The following C14orf39 variants were observed in gnomAD, a reference collection of about 807,000 sequenced individuals.
The protein encoded by C14orf39 is chromosome 14 open reading frame 39.
In C14orf39, 66 loss-of-function variants were observed where a neutral mutation model predicts 85.6. The observed-to-expected ratio is 0.77, with a 90% CI of 0.63 to 0.95. The LOEUF (loss-of-function observed/expected upper bound fraction) is 0.95, where lower values mean the gene tolerates loss of function less well. Ranked by LOEUF, C14orf39 falls within the 40% of genes least tolerant of loss-of-function variation. The pLI is 0.00. For missense variants in C14orf39, 735 were observed against 663.9 expected (o/e 1.11, Z -1.18); for synonymous variants, 242 against 214.0 (o/e 1.13, Z -1.14).
At chr14:60,493,570 G>T (rs1893024415) in intron 2 of C14orf39, among the ~76,000 whole-genome samples, 1 of 152,044 alleles carries the variant, frequency 6.6e-6, no homozygotes, top group Non-Finnish European at 1.5e-5. Context: ...TACTTTCAAG[G>T]CCCACTTCTT....
intron 1 of C14orf39, among the ~76,000 whole-genome samples, chr14:60,510,419 A>T (rs1489866592): frequency 6.6e-6 from 1 of 152,168 alleles, no homozygotes; most frequent in East Asian, 1.9e-4. Context: ...TAATGCTTTG[A>T]AAACAGTTTT....
At chr14:60,465,418 C>T (rs1156799311) in intron 11 of C14orf39, among the ~76,000 whole-genome samples, 2 of 152,068 alleles carry the variant, frequency 1.3e-5, no homozygotes, top group African/African-American at 4.8e-5. Context: ...ACCCAGGGGA[C>T]CTGCCTATCT....
chr14:60,438,000 T>G (rs1295921169), intron 17 of C14orf39, among the ~76,000 whole-genome samples: 3 of 151,704 alleles, frequency 2.0e-5, no homozygotes, highest in African/African-American at 7.2e-5. Flanking sequence ...AATTTAAAAT[T>G]AATTATCATT....
chr14:60,460,702 TAGAG>T (rs986242395), intron 13 of C14orf39, among the ~76,000 whole-genome samples: 3 of 151,888 alleles, frequency 2.0e-5, no homozygotes, highest in East Asian at 1.9e-4. Flanking sequence ...TGTATATACA[TAGAG>T]AGAATGAGTT....
At chr14:60,492,616 T>A (rs796098030) in intron 2 of C14orf39, among the ~76,000 whole-genome samples, 10 of 130,760 alleles carry the variant, frequency 7.6e-5, no homozygotes, top group African/African-American at 2.7e-4. Context: ...AAAAAAAAAA[T>A]AATAATAAAA....
At chr14:60,443,948 T>A (rs892223588) in intron 16 of C14orf39, among the ~76,000 whole-genome samples, 10 of 152,144 alleles carry the variant, frequency 6.6e-5, no homozygotes, top group African/African-American at 1.9e-4. Context: ...GACCTGCAGC[T>A]GAGGGGCCTG....
In C14orf39 at chr14:60,461,515, G is replaced by T; in HGVS notation, c.1051C>A (p.Gln351Lys). ...CTTATTTTAAAAAGTTACCTGACTT[G>T]CATAAACTTTTGTGAACTTGTGATA... ...TTITSSQKFM[Q>K]VRLLTPQKQS... The change falls in exon 12 of 18, where the codon CAA becomes AAA. Residue 351 changes from glutamine to lysine, a missense_variant. By Grantham distance (53) the Gln-to-Lys change is moderately conservative. Transcript: ENST00000321731. 1 of 1,590,178 alleles carries T rather than the reference G, an allele frequency of 6.3e-7. No homozygotes were observed. Among genetic ancestry groups the T allele is most frequent in the Non-Finnish European group, 8.5e-7 (1 of 1,169,760 alleles).
At position 60,484,798 on chromosome 14, in the gene C14orf39, G is replaced by A. The variant is rs997233942; in HGVS notation, c.106+83C>T. ...ACAAAAGTTATAACGCCAACAATAA[G>A]TTGCCCTAAACAGAGCAATTGTATG... On this transcript the variant is annotated intron_variant, in intron 3 of 17. Coordinates refer to ENST00000321731, the MANE Select transcript of C14orf39 (RefSeq NM_174978.3). The surrounding 1 kb of genome is among the most constrained non-coding windows in gnomAD (Gnocchi z 4.2). 1.2e-5 allele frequency: 11 copies of A among 930,842 alleles called. No homozygotes were observed. The highest frequency in any genetic ancestry group is 2.7e-5 in the Admixed American group (1 of 36,808). 57.7% of individuals were successfully genotyped at this position (930,842 alleles called of 1,614,324 possible).
intron 1 of C14orf39, among the ~76,000 whole-genome samples, chr14:60,513,650 A>C (rs575926620): frequency 6.6e-6 from 1 of 152,352 alleles, no homozygotes; most frequent in Admixed American, 6.5e-5. Context: ...GATGGGAAAT[A>C]ACTAATTAGT....
chr14:60,507,463 C>A lies in C14orf39; in HGVS notation c.-144+7932G>T, dbSNP rs116423167. Among the ~76,000 whole-genome samples, 537 of 152,298 alleles carry A rather than the reference C, an allele frequency of 3.5e-3. 4 individuals are homozygous for A. Among genetic ancestry groups the A allele is most frequent in the African/African-American group, 0.012 (495 of 41,554 alleles). On this transcript the variant is annotated intron_variant, in intron 1 of 5. Coordinates refer to the C14orf39 transcript ENST00000556799. ...TATCTTCATCGCCCTCTTTATTTTG[C>A]CCCTGCCTTGTCGTATTTCAAGAAA...
intron 5 of C14orf39, among the ~76,000 whole-genome samples, chr14:60,476,368 T>C (rs1179277593): frequency 1.3e-5 from 2 of 152,218 alleles, no homozygotes; most frequent in African/African-American, 2.4e-5. Context: ...GAGCCATTAT[T>C]ATCTCATCTA....
At chr14:60,477,656 C>T (rs1892446682) in intron 5 of C14orf39, among the ~76,000 whole-genome samples, 1 of 152,016 alleles carries the variant, frequency 6.6e-6, no homozygotes, top group East Asian at 1.9e-4. Context: ...ATCAATATCC[C>T]AAATTTGTTA....
chr14:60,482,248 G>A (rs1360597910), intron 4 of C14orf39, among the ~76,000 whole-genome samples: 1 of 152,126 alleles, frequency 6.6e-6, no homozygotes, highest in African/African-American at 2.4e-5. Context: ...ACAACCCAAT[G>A]CAGCTAATTG....
At chr14:60,464,984 C>T (rs1170382769) in intron 11 of C14orf39, among the ~76,000 whole-genome samples, 1 of 152,080 alleles carries the variant, frequency 6.6e-6, no homozygotes, top group Non-Finnish European at 1.5e-5. Context: ...TTAAAACTAA[C>T]ACATTCCATT....
In C14orf39 at chr14:60,500,089, G is replaced by A. The variant is rs561108900; in HGVS notation, c.-143-659C>T. On this transcript the variant is annotated intron_variant, in intron 1 of 5. Transcript: ENST00000556799. ...GTTGCCCAGGCTGCAGTGCAATGGC[G>A]CGATCTTGGCTCACTACAACCTCTG... Among the ~76,000 whole-genome samples the A allele has an allele frequency of 7.2e-5, 11 of 152,152 alleles. No homozygotes were observed. The South Asian group carries it at 2.1e-3, about 29-fold the overall frequency.
intron 5 of C14orf39, among the ~76,000 whole-genome samples, chr14:60,472,871 G>A (rs1023608811): frequency 5.9e-5 from 9 of 152,150 alleles, no homozygotes; most frequent in Non-Finnish European, 1.2e-4. Flanking sequence ...ACATACGTGT[G>A]CATGTGTCTT....
rs1892776543 is a variant in C14orf39, at chr14:60,484,164, C to T, written c.107-347G>A. 6.6e-6 allele frequency among the ~76,000 whole-genome samples: 1 copy of T among 152,194 alleles called. No homozygotes were observed. The highest frequency in any genetic ancestry group is 1.5e-5 in the Non-Finnish European group (1 of 68,036). ...TGCAAACATTTATTCGTTAATGACA[C>T]TAATAGAAGCCTTCTGTTTTTGACA... is the stretch of plus-strand genomic sequence containing the variant. On this transcript the variant is annotated intron_variant, in intron 3 of 17. Transcript: ENST00000321731. The surrounding 1 kb of genome is among the most constrained non-coding windows in gnomAD (Gnocchi z 4.2).
intron 13 of C14orf39, among the ~76,000 whole-genome samples, chr14:60,460,291 C>T (rs2140086163): frequency 6.6e-6 from 1 of 151,834 alleles, no homozygotes; most frequent in Middle Eastern, 3.4e-3. Flanking sequence ...CCTTGTCTAA[C>T]ACTCTGTCAG....
chr14:60,485,365 T>G (rs1050592879), intron 1 of C14orf39, among the ~76,000 whole-genome samples: 6 of 152,176 alleles, frequency 3.9e-5, no homozygotes, highest in Non-Finnish European at 7.4e-5. Context: ...ATGCGTGGGA[T>G]TGCAACAAGC....
Sources: gnomAD v4.1 joint callset for allele counts (sites outside exome capture counted in the v4.1 genomes callset) on GRCh38, gnomAD v4.1.1 for gene constraint, Gnocchi (gnomAD v3.1) non-coding constraint, MANE v1.5 for transcripts, NCBI Gene and HGNC (gene_info 2026-07-23, HGNC 2026-07-21) for gene names.